Variants in KYNU observed in about 807,000 individuals in gnomAD.
KYNU encodes the protein L-kynurenine hydrolase.
KYNU carries 54 observed loss-of-function variants against 59.2 expected under a neutral mutation model. The observed-to-expected ratio is 0.91, with a 90% CI of 0.73 to 1.14. The LOEUF is 1.14. KYNU is among the 50% of genes most tolerant of loss of function. The pLI, the probability that KYNU is intolerant of heterozygous loss-of-function variation, is 0.00. For synonymous variants in KYNU, 177 were observed against 192.0 expected (o/e 0.92, Z 0.65); for missense variants, 567 against 554.4 (o/e 1.02, Z -0.23).
chr2:143,023,374 G>A (rs1009844973), intron 10 of KYNU, among the ~76,000 whole-genome samples: 4 of 151,810 alleles, frequency 2.6e-5, no homozygotes, highest in African/African-American at 4.8e-5. Context: ...TAAAGATTTT[G>A]TATAGTTATA....
At chr2:143,027,114 T>A (rs1236552717) in intron 10 of KYNU, among the ~76,000 whole-genome samples, 1 of 152,224 alleles carries the variant, frequency 6.6e-6, no homozygotes. Flanking sequence ...CCTACTCTTT[T>A]CTGCCTAGAT....
In KYNU at chr2:143,055,664, AAG is replaced by A; in HGVS notation, c.*13493_*13494del. 1 of 152,160 alleles carries A rather than the reference AAG, an allele frequency of 6.6e-6. No individual in the cohort carries two copies. The highest frequency in any genetic ancestry group is 2.1e-4 in the South Asian group (1 of 4,804). The allele number at this position is 152,160 out of a possible 1,614,324, so 9.4% of individuals were successfully genotyped here. A position where few individuals can be genotyped will look rare whatever the true frequency, so the allele number is the denominator to read the frequency against. On this transcript the variant is annotated 3_prime_UTR_variant, in exon 14 of 14. Coordinates refer to ENST00000264170, the MANE Select transcript of KYNU (RefSeq NM_003937.3). ...GAAGGAAGGAAGGAAGGAAGGAAGG[AAG>A]GAAGGAAGGAAGGAAGGAAAGGGAG...
chr2:142,898,262 T>C (rs1365143186), intron 2 of KYNU, among the ~76,000 whole-genome samples: 3 of 152,048 alleles, frequency 2.0e-5, no homozygotes, highest in Non-Finnish European at 4.4e-5. Context: ...TTTTCTTTTT[T>C]TTTTTCATAC....
intron 10 of KYNU, among the ~76,000 whole-genome samples, chr2:143,005,396 C>A (rs1316617685): frequency 1.3e-5 from 2 of 152,118 alleles, no homozygotes. Flanking sequence ...AGAAACAGAA[C>A]AAGGCCCTGC....
rs1682924771 is a variant in KYNU at position 142,922,789 on chromosome 2, A to T, written c.290+4060A>T. On this transcript the variant is annotated intron_variant, in intron 3 of 13. Coordinates refer to ENST00000264170, the MANE Select transcript of KYNU (RefSeq NM_003937.3). ...TTTCTTATACTAAGGAAAAGCCAAG[A>T]ATAGAGGTACAACTAGAAATATTTT... 2.6e-5 allele frequency among the ~76,000 whole-genome samples: 4 copies of T among 152,214 alleles called. 1 individual carries two copies. Among genetic ancestry groups the T allele is most frequent in the South Asian group, 4.1e-4 (2 of 4,828 alleles).
chr2:142,936,088 A>G (rs1209931618), intron 4 of KYNU, among the ~76,000 whole-genome samples: 1 of 152,106 alleles, frequency 6.6e-6, no homozygotes, highest in African/African-American at 2.4e-5. Context: ...TGCTGGATTG[A>G]ATGAGGAAAA....
At chr2:142,926,682 T>A (rs1296019708) in intron 3 of KYNU, among the ~76,000 whole-genome samples, 1 of 152,196 alleles carries the variant, frequency 6.6e-6, no homozygotes, top group Non-Finnish European at 1.5e-5. Context: ...GGGTGGAGAC[T>A]TTAGCATGGT....
chr2:142,957,385 C>A (rs1444367358), intron 6 of KYNU, among the ~76,000 whole-genome samples: 1 of 152,032 alleles, frequency 6.6e-6, no homozygotes, highest in Admixed American at 6.6e-5. Context: ...GATTTAATTT[C>A]TTATTCTAAA....
At chr2:143,012,841 C>T (rs1156750575) in intron 10 of KYNU, among the ~76,000 whole-genome samples, 1 of 152,112 alleles carries the variant, frequency 6.6e-6, no homozygotes, top group African/African-American at 2.4e-5. Flanking sequence ...GTCCTCTGAC[C>T]TACCTGTCTG....
In KYNU at chr2:143,052,622, A is replaced by T. The variant is rs528941313; in HGVS notation, c.*10450A>T. 6.6e-6 allele frequency: 1 copy of T among 152,246 alleles called. No individual in the cohort carries two copies. Among genetic ancestry groups the T allele is most frequent in the Non-Finnish European group, 1.5e-5 (1 of 68,078 alleles). 9.4% of individuals were successfully genotyped at this position (152,246 alleles called of 1,614,324 possible). A position where few individuals can be genotyped will look rare whatever the true frequency, so the allele number is the denominator to read the frequency against. ...GTGGCTTCAGAGGGTGGAAGCCCCA[A>T]GTCTTGGCAGCTTCCATATGGTGTT... On this transcript the variant is annotated 3_prime_UTR_variant, in exon 14 of 14. Coordinates refer to ENST00000264170, the MANE Select transcript of KYNU (RefSeq NM_003937.3).
At chr2:143,038,614 T>A (rs1573922527) in intron 12 of KYNU, among the ~76,000 whole-genome samples, 1 of 152,178 alleles carries the variant, frequency 6.6e-6, no homozygotes, top group African/African-American at 2.4e-5. Context: ...TCAGACATTG[T>A]CTGGGAGTTG....
chr2:142,975,280 A>G (rs1684851468), intron 8 of KYNU, among the ~76,000 whole-genome samples: 1 of 152,214 alleles, frequency 6.6e-6, no homozygotes, highest in Non-Finnish European at 1.5e-5. Context: ...CTGGACAGTC[A>G]GAGAGGATTT....
chr2:142,900,120 G>A (rs1477979138), intron 2 of KYNU, among the ~76,000 whole-genome samples: 1 of 152,232 alleles, frequency 6.6e-6, no homozygotes, highest in Non-Finnish European at 1.5e-5. Context: ...GGAACCCAGT[G>A]ACTAGTGTTC....
At chr2:142,901,990 C>T (rs906990378) in intron 2 of KYNU, among the ~76,000 whole-genome samples, 4 of 152,138 alleles carry the variant, frequency 2.6e-5, no homozygotes, top group South Asian at 2.1e-4. Flanking sequence ...TTAAGAGTTG[C>T]GCAAGTATGC....
chr2:142,989,443 A>G (rs1685324835), intron 10 of KYNU: 9 of 984,268 alleles, frequency 9.1e-6, no homozygotes, highest in Non-Finnish European at 1.1e-5. Context: ...TGTAACTGCT[A>G]TTGATGTCAC....
rs753879676 is a variant in KYNU, at chr2:143,033,223, A to G, written c.956-13A>G. 7.0e-6 allele frequency: 11 copies of G among 1,567,998 alleles called. No homozygotes were observed. In the South Asian group the frequency reaches 1.1e-4, roughly 16 times the overall value. On this transcript the variant is annotated splice_polypyrimidine_tract_variant and intron_variant, in intron 11 of 13. Transcript: ENST00000264170. ...TTACCTTCTATGATAATGACATGAT[A>G]TTAATTTCTCAGAACTGCAGTTAAT... is the stretch of plus-strand genomic sequence containing the variant.
intron 2 of KYNU, among the ~76,000 whole-genome samples, chr2:142,902,242 T>C (rs767259558): frequency 2.0e-5 from 3 of 152,222 alleles, no homozygotes; most frequent in Non-Finnish European, 4.4e-5. Flanking sequence ...AGGTATGCCA[T>C]GGTTTGCAAG....
rs1371018223 is a variant in KYNU at position 143,047,031 on chromosome 2, G to A, written c.*4859G>A. On this transcript the variant is annotated 3_prime_UTR_variant, in exon 14 of 14. Coordinates refer to ENST00000264170, the MANE Select transcript of KYNU (RefSeq NM_003937.3). ...CATTTATAGTTTGACAAATTCCTAA[G>A]TACTTCTAATTTTATTGTCATTCCA... 2 of 151,952 alleles carry A rather than the reference G, an allele frequency of 1.3e-5. No homozygotes were observed. The highest frequency in any genetic ancestry group is 2.9e-5 in the Non-Finnish European group (2 of 67,980). 9.4% of individuals were successfully genotyped at this position (151,952 alleles called of 1,614,324 possible). A position where few individuals can be genotyped will look rare whatever the true frequency, so the allele number is the denominator to read the frequency against.
chr2:142,939,358 C>G lies in KYNU; in HGVS notation c.373+11617C>G, dbSNP rs573863322. 1.5e-4 allele frequency among the ~76,000 whole-genome samples: 23 copies of G among 152,178 alleles called. No homozygotes were observed. The East Asian group carries it at 4.2e-3, about 28-fold the overall frequency. On this transcript the variant is annotated intron_variant, in intron 4 of 13. Transcript: ENST00000264170. ...GTGGCTCATGCCTGTAATCCCAGCACTTTGGGAGGCTGAAGCGGGCAGATC... is the reference window on the plus strand; with the variant it reads ...GTGGCTCATGCCTGTAATCCCAGCAGTTTGGGAGGCTGAAGCGGGCAGATC...
Sources: allele counts gnomAD v4.1 joint callset (sites outside exome capture counted in the v4.1 genomes callset), GRCh38; gene constraint gnomAD v4.1.1; transcripts MANE v1.5; gene names NCBI Gene and HGNC (gene_info 2026-07-23, HGNC 2026-07-21).